Variants in PPP2R2B observed in about 807,000 individuals in gnomAD.
The protein encoded by PPP2R2B is serine/threonine-protein phosphatase 2A 55 kDa regulatory subunit B beta isoform.
PPP2R2B carries 5 observed loss-of-function variants against 46.0 expected under a neutral mutation model. The observed-to-expected ratio is 0.11, with a 90% CI of 0.06 to 0.23. The LOEUF (loss-of-function observed/expected upper bound fraction) is 0.23, where lower values mean the gene tolerates loss of function less well. Ranked by LOEUF, PPP2R2B falls within the 10% of genes least tolerant of loss-of-function variation. The pLI is 1.00. For missense variants in PPP2R2B, 367 were observed against 575.0 expected (o/e 0.64, Z 3.70); for synonymous variants, 215 against 206.7 (o/e 1.04, Z -0.34).
At chr5:146,636,815 A>G (rs533161802) in intron 7 of PPP2R2B, among the ~76,000 whole-genome samples, 1 of 152,302 alleles carries the variant, frequency 6.6e-6, no homozygotes, top group East Asian at 1.9e-4. Flanking sequence ...CTTTCCCCCA[A>G]GCCTGACACT....
intron 1 of PPP2R2B, among the ~76,000 whole-genome samples, chr5:147,002,180 G>A (rs931148621): frequency 6.6e-6 from 1 of 152,076 alleles, no homozygotes; most frequent in African/African-American, 2.4e-5. Context: ...ATAAACTCCA[G>A]GACTCTGTTA....
intron 2 of PPP2R2B, among the ~76,000 whole-genome samples, chr5:146,757,006 G>A (rs555112308): frequency 6.6e-6 from 1 of 152,306 alleles, no homozygotes; most frequent in South Asian, 2.1e-4. Flanking sequence ...AGAGAATGAA[G>A]CTCTGAGTGA....
intron 1 of PPP2R2B, among the ~76,000 whole-genome samples, chr5:147,003,933 A>G (rs952238262): frequency 5.9e-5 from 9 of 152,144 alleles, no homozygotes; most frequent in Non-Finnish European, 1.3e-4. Flanking sequence ...TTATTACCCA[A>G]TCAACAGATA....
rs55719630 is a variant in PPP2R2B at position 146,895,929 on chromosome 5, G to A, written c.79+159736C>T. On this transcript the variant is annotated intron_variant, in intron 1 of 8. Transcript: ENST00000336640. ...AATATGTCCTGTCACAGACCAGTCC[G>A]TGATTCTTCAATAAGAAATTATGAA... Among the ~76,000 whole-genome samples, 142 of 152,154 alleles carry A rather than the reference G, an allele frequency of 9.3e-4. No individual in the cohort carries two copies. The Middle Eastern group carries it at 0.01, about 11-fold the overall frequency.
chr5:146,918,173 C>T (rs541640225), intron 1 of PPP2R2B, among the ~76,000 whole-genome samples: 2 of 152,284 alleles, frequency 1.3e-5, no homozygotes, highest in South Asian at 4.2e-4. Flanking sequence ...GCTTAACAAG[C>T]TGTGAATTCA....
intron 1 of PPP2R2B, among the ~76,000 whole-genome samples, chr5:146,897,297 A>T (rs1040515205): frequency 1.3e-5 from 2 of 152,148 alleles, no homozygotes; most frequent in Non-Finnish European, 2.9e-5. Context: ...GTGAAAAGGG[A>T]TTTACCTGCC....
At chr5:146,832,023 A>C (rs1246427093) in intron 2 of PPP2R2B, among the ~76,000 whole-genome samples, 1 of 152,228 alleles carries the variant, frequency 6.6e-6, no homozygotes, top group African/African-American at 2.4e-5. Context: ...TTTAAAAAGT[A>C]AAACATTAAT....
intron 2 of PPP2R2B, among the ~76,000 whole-genome samples, chr5:146,823,738 T>G (rs1758411288): frequency 6.6e-6 from 1 of 152,168 alleles, no homozygotes; most frequent in Non-Finnish European, 1.5e-5. Context: ...TCTCCCTAAC[T>G]TTCTGAATTT....
intron 1 of PPP2R2B, among the ~76,000 whole-genome samples, chr5:146,888,461 A>C (rs1173256352): frequency 6.6e-6 from 1 of 151,956 alleles, no homozygotes; most frequent in Non-Finnish European, 1.5e-5. Flanking sequence ...ATCCTATCTC[A>C]CCATGATTAT....
intron 2 of PPP2R2B, among the ~76,000 whole-genome samples, chr5:146,770,873 C>T (rs1435868088): frequency 1.3e-5 from 2 of 152,094 alleles, no homozygotes; most frequent in Non-Finnish European, 2.9e-5. Context: ...CAGCTCTCCA[C>T]CAAATTTAGT....
intron 2 of PPP2R2B, among the ~76,000 whole-genome samples, chr5:146,758,397 C>T (rs1347750402): frequency 6.6e-6 from 1 of 152,072 alleles, no homozygotes; most frequent in East Asian, 1.9e-4. Context: ...ACCAACATTA[C>T]CTCAAAGGCT....
chr5:147,003,798 G>A (rs149469760), intron 1 of PPP2R2B, among the ~76,000 whole-genome samples: 2,241 of 152,234 alleles, frequency 0.015, 73 homozygotes, highest in East Asian at 0.074. Flanking sequence ...GTCCACCATA[G>A]CTCAGGGAAA....
intron 1 of PPP2R2B, among the ~76,000 whole-genome samples, chr5:147,007,738 G>T (rs1027489178): frequency 4.6e-5 from 7 of 152,174 alleles, no homozygotes; most frequent in African/African-American, 1.4e-4. Flanking sequence ...AACAACTCCG[G>T]ATGTGCCATC....
intron 5 of PPP2R2B, among the ~76,000 whole-genome samples, chr5:146,675,141 T>C (rs1777625058): frequency 6.6e-6 from 1 of 152,088 alleles, no homozygotes; most frequent in South Asian, 2.1e-4. Flanking sequence ...TTTGTATTTT[T>C]AGTAGAGACG....
chr5:146,976,125 T>G (rs1229557683), intron 1 of PPP2R2B, among the ~76,000 whole-genome samples: 1 of 147,016 alleles, frequency 6.8e-6, no homozygotes, highest in African/African-American at 2.5e-5. Flanking sequence ...TTATTATTAT[T>G]ATTATTATTA....
chr5:146,597,211 G>A (rs1318508732), intron 8 of PPP2R2B, among the ~76,000 whole-genome samples: 1 of 152,024 alleles, frequency 6.6e-6, no homozygotes, highest in Non-Finnish European at 1.5e-5. Context: ...TACTATTCCT[G>A]CCACTATTTT....
intron 1 of PPP2R2B, among the ~76,000 whole-genome samples, chr5:146,927,518 C>G (rs1036923724): frequency 1.3e-5 from 2 of 152,208 alleles, no homozygotes; most frequent in Admixed American, 6.5e-5. Flanking sequence ...CGCTTGCCAT[C>G]TATCCTTAGG....
intron 1 of PPP2R2B, among the ~76,000 whole-genome samples, chr5:147,023,389 C>A (rs575392445): frequency 6.6e-6 from 1 of 152,008 alleles, no homozygotes; most frequent in Admixed American, 6.6e-5. Context: ...GAGAAAATAG[C>A]AAGATGGTAA....
intron 7 of PPP2R2B, among the ~76,000 whole-genome samples, chr5:146,604,823 C>A (rs1170672878): frequency 6.6e-6 from 1 of 152,192 alleles, no homozygotes; most frequent in Admixed American, 6.5e-5. Context: ...CTCTGCCCAT[C>A]TGTCACACCA....
Sources: gnomAD v4.1 joint callset for allele counts (sites outside exome capture counted in the v4.1 genomes callset) on GRCh38, gnomAD v4.1.1 for gene constraint, MANE v1.5 for transcripts, NCBI Gene and HGNC (gene_info 2026-07-23, HGNC 2026-07-21) for gene names.